RAPGEF4: variants seen among roughly 807,000 people sequenced by gnomAD.
The protein encoded by RAPGEF4 is RAP guanine-nucleotide-exchange factor (GEF) 4.
Under a neutral mutation model 147.9 loss-of-function variants are expected in RAPGEF4, and 66 were observed. The ratio of observed to expected loss-of-function variants is 0.45; its 90% CI spans 0.37 to 0.55. The LOEUF (loss-of-function observed/expected upper bound fraction) is 0.55. Ranked by LOEUF, RAPGEF4 falls within the 20% of genes least tolerant of loss-of-function variation. The pLI, the probability that RAPGEF4 is intolerant of heterozygous loss-of-function variation, is 0.00. For synonymous variants in RAPGEF4, 419 were observed against 442.7 expected (o/e 0.95, Z 0.67); for missense variants, 1,071 against 1,257.3 (o/e 0.85, Z 2.24).
intron 4 of RAPGEF4, chr2:172,814,726 A>G: frequency 2.7e-6 from 1 of 371,780 alleles, no homozygotes; most frequent in Non-Finnish European, 5.1e-6. Flanking sequence ...CCACAGATGT[A>G]TTCTTAACCA....
At chr2:172,858,437 C>T (rs547904088) in intron 4 of RAPGEF4, among the ~76,000 whole-genome samples, 2 of 152,242 alleles carry the variant, frequency 1.3e-5, no homozygotes, top group African/African-American at 4.8e-5. Context: ...TCTCAGCATC[C>T]CAAACCAGTG....
chr2:172,958,621 T>C (rs1688975991), intron 6 of RAPGEF4, among the ~76,000 whole-genome samples: 1 of 152,226 alleles, frequency 6.6e-6, no homozygotes, highest in South Asian at 2.1e-4. Context: ...AACTGTTGAA[T>C]TGGACTAGAG....
At chr2:173,045,340 T>C (rs1248567972) in intron 29 of RAPGEF4, among the ~76,000 whole-genome samples, 1 of 152,190 alleles carries the variant, frequency 6.6e-6, no homozygotes, top group Non-Finnish European at 1.5e-5. Context: ...TATAGCATCA[T>C]CTAGATCAAG....
Position 173,042,668 on chromosome 2 carries a change from A to C in RAPGEF4, c.2854-5932A>C, listed in dbSNP as rs540541103. 1.3e-5 allele frequency among the ~76,000 whole-genome samples: 2 copies of C among 152,062 alleles called. No individual in the cohort carries two copies. The highest frequency in any genetic ancestry group is 2.9e-5 in the Non-Finnish European group (2 of 68,004). On this transcript the variant is annotated intron_variant, in intron 29 of 30. Transcript: ENST00000397081. The surrounding 1 kb of genome is among the most constrained non-coding windows in gnomAD (Gnocchi z 4.2). Reference sequence around the variant, plus strand: ...AATTGGATTAACCAAAATGTCCCAAAGCATTTTGCATAACTGAGACATTAT... The same window carrying C: ...AATTGGATTAACCAAAATGTCCCAACGCATTTTGCATAACTGAGACATTAT...
chr2:172,880,544 G>A (rs1021523592), intron 4 of RAPGEF4, among the ~76,000 whole-genome samples: 3 of 151,878 alleles, frequency 2.0e-5, no homozygotes, highest in African/African-American at 7.3e-5. Flanking sequence ...TGTCTTATAA[G>A]TGAACTTTTG....
chr2:173,006,940 T>G (rs979464034), intron 17 of RAPGEF4, among the ~76,000 whole-genome samples: 1 of 152,244 alleles, frequency 6.6e-6, no homozygotes, highest in African/African-American at 2.4e-5. Context: ...AATTTGAGTT[T>G]GTTTCCATGA....
intron 5 of RAPGEF4, among the ~76,000 whole-genome samples, chr2:172,922,045 C>G (rs574446053): frequency 6.6e-6 from 1 of 152,184 alleles, no homozygotes; most frequent in Non-Finnish European, 1.5e-5. Context: ...ATGGTAGACG[C>G]AAAATAAGCC....
chr2:172,864,774 A>T (rs1480816083), intron 4 of RAPGEF4, among the ~76,000 whole-genome samples: 1 of 152,202 alleles, frequency 6.6e-6, no homozygotes, highest in Non-Finnish European at 1.5e-5. Context: ...GCATGGTGGC[A>T]CGTGACTGTA....
At chr2:172,817,811 A>G (rs1169866916) in intron 4 of RAPGEF4, among the ~76,000 whole-genome samples, 3 of 151,174 alleles carry the variant, frequency 2.0e-5, no homozygotes, top group Non-Finnish European at 4.4e-5. Flanking sequence ...AGCACAATTC[A>G]TGATTGCAAA....
chr2:172,807,737 G>A (rs1474304546), intron 3 of RAPGEF4, among the ~76,000 whole-genome samples: 1 of 152,174 alleles, frequency 6.6e-6, no homozygotes, highest in Non-Finnish European at 1.5e-5. Flanking sequence ...CTGCAGTCCA[G>A]CCTGGGCAAC....
chr2:172,930,973 T>C (rs906995002), intron 6 of RAPGEF4, among the ~76,000 whole-genome samples: 1 of 152,160 alleles, frequency 6.6e-6, no homozygotes, highest in Non-Finnish European at 1.5e-5. Flanking sequence ...AAGACATTAG[T>C]ATGACGGGGT....
At chr2:172,877,130 A>C (rs1696037691) in intron 4 of RAPGEF4, among the ~76,000 whole-genome samples, 1 of 152,218 alleles carries the variant, frequency 6.6e-6, no homozygotes, top group South Asian at 2.1e-4. Flanking sequence ...CCCATCAGTG[A>C]TAGATTGGAT....
At chr2:172,823,546 C>T (rs983077422) in intron 4 of RAPGEF4, among the ~76,000 whole-genome samples, 1 of 152,120 alleles carries the variant, frequency 6.6e-6, no homozygotes, top group East Asian at 1.9e-4. Flanking sequence ...TACTGTTAAG[C>T]GCTTTATGTG....
chr2:172,761,154 T>C (rs1350238665), intron 1 of RAPGEF4, among the ~76,000 whole-genome samples: 1 of 151,040 alleles, frequency 6.6e-6, no homozygotes, highest in African/African-American at 2.4e-5. Context: ...AGACGGAGTT[T>C]CACTCTTGTT....
At chr2:173,035,904 G>GAGT (rs2106007142) in intron 27 of RAPGEF4, among the ~76,000 whole-genome samples, 1 of 152,142 alleles carries the variant, frequency 6.6e-6, no homozygotes, top group East Asian at 1.9e-4. Flanking sequence ...TCTTCTTGTT[G>GAGT]AGTAGGCTCA....
chr2:172,796,852 T>C (rs1686427321), intron 2 of RAPGEF4, among the ~76,000 whole-genome samples: 1 of 152,192 alleles, frequency 6.6e-6, no homozygotes, highest in African/African-American at 2.4e-5. Context: ...GTTATTTAGT[T>C]AGGATATTTA....
chr2:173,047,594 G>A (rs544135607), intron 29 of RAPGEF4, among the ~76,000 whole-genome samples: 7 of 151,756 alleles, frequency 4.6e-5, no homozygotes, highest in Admixed American at 6.6e-5. Context: ...GCTATATGCC[G>A]AAATATTAAC....
At chr2:172,767,337 C>A (rs185181038) in intron 1 of RAPGEF4, among the ~76,000 whole-genome samples, 1,645 of 152,210 alleles carry the variant, frequency 0.011, 32 homozygotes, top group African/African-American at 0.036. Context: ...CGCCACCATG[C>A]CCGGCTAGTT....
chr2:172,921,318 GCTCAAGAGATCCA>G (rs1044672011), intron 5 of RAPGEF4, among the ~76,000 whole-genome samples: 4 of 152,018 alleles, frequency 2.6e-5, no homozygotes, highest in South Asian at 2.1e-4. Context: ...GAGCTCCTGG[GCTCAAGAGATCCA>G]CCTGCTTCAG....
Sources: gnomAD v4.1 joint callset for allele counts (sites outside exome capture counted in the v4.1 genomes callset) on GRCh38, gnomAD v4.1.1 for gene constraint, Gnocchi (gnomAD v3.1) non-coding constraint, MANE v1.5 for transcripts, NCBI Gene and HGNC (gene_info 2026-07-23, HGNC 2026-07-21) for gene names.